Variants in EFCAB6 observed in about 807,000 individuals in gnomAD.
EFCAB6 encodes the protein EF-hand calcium binding domain 6.
A neutral mutation model predicts 169.8 loss-of-function variants in EFCAB6; 156 were observed. The ratio of observed to expected loss-of-function variants is 0.92; its 90% CI spans 0.81 to 1.05. The LOEUF is 1.05. Among genes scored for constraint, EFCAB6 ranks in the 50% least tolerant of loss-of-function variants. The pLI, the probability that EFCAB6 is intolerant of heterozygous loss-of-function variation, is 0.00. For missense variants in EFCAB6, 1,800 were observed against 1,829.1 expected, an observed-to-expected ratio of 0.98 and a Z score of 0.29; for synonymous variants, 698 against 676.4, an observed-to-expected ratio of 1.03 and a Z score of -0.50.
intron 22 of EFCAB6, among the ~76,000 whole-genome samples, chr22:43,605,070 A>G (rs1358600694): frequency 6.6e-6 from 1 of 152,166 alleles, no homozygotes; most frequent in African/African-American, 2.4e-5. Context: ...GCCCTCCCCA[A>G]GGAGGTGCCT....
At chr22:43,618,173 A>AG (rs2053847340) in intron 20 of EFCAB6, among the ~76,000 whole-genome samples, 1 of 44,576 alleles carries the variant, frequency 2.2e-5, no homozygotes. Flanking sequence ...AAGGAAAGAA[A>AG]GAAAGAAAGA....
At chr22:43,805,705 T>C (rs1396244206) in intron 2 of EFCAB6, among the ~76,000 whole-genome samples, 4 of 152,138 alleles carry the variant, frequency 2.6e-5, no homozygotes, top group Non-Finnish European at 5.9e-5. Context: ...AAGAAGAATT[T>C]GAATGGTTCT....
chr22:43,556,887 G>A (rs1479170486), intron 26 of EFCAB6, among the ~76,000 whole-genome samples: 2 of 152,176 alleles, frequency 1.3e-5, no homozygotes, highest in African/African-American at 4.8e-5. Flanking sequence ...TATTGCTGAT[G>A]CATTTTGAAT....
intron 12 of EFCAB6, among the ~76,000 whole-genome samples, chr22:43,681,028 C>T (rs1323379906): frequency 2.0e-5 from 3 of 152,204 alleles, no homozygotes; most frequent in African/African-American, 7.2e-5. Flanking sequence ...CTGACATTCT[C>T]GTGCTGTCCC....
chr22:43,758,554 C>G (rs2061039929), intron 5 of EFCAB6, among the ~76,000 whole-genome samples: 1 of 152,166 alleles, frequency 6.6e-6, no homozygotes, highest in Admixed American at 6.5e-5. Flanking sequence ...TGACTATTGT[C>G]TAATGTTTTA....
intron 22 of EFCAB6, among the ~76,000 whole-genome samples, chr22:43,604,696 A>G (rs2147580626): frequency 6.6e-6 from 1 of 151,148 alleles, no homozygotes; most frequent in Non-Finnish European, 1.5e-5. Context: ...ACTGAAAACC[A>G]TGGGTTTTTT....
At chr22:43,615,953 G>C (rs2053656049) in intron 20 of EFCAB6, 31 bp from the exon 21 acceptor site, 2 of 1,569,158 alleles carry the variant, frequency 1.3e-6, no homozygotes, top group Non-Finnish European at 1.7e-6. Flanking sequence ...AAATAACTGT[G>C]TTTAAATTTA....
chr22:43,595,743 T>C (rs2051950658), intron 23 of EFCAB6, among the ~76,000 whole-genome samples: 1 of 152,174 alleles, frequency 6.6e-6, no homozygotes, highest in Non-Finnish European at 1.5e-5. Context: ...TGCAAACTTA[T>C]TCTATAAGGC....
chr22:43,798,510 C>G (rs552904199), intron 2 of EFCAB6, among the ~76,000 whole-genome samples: 5 of 152,282 alleles, frequency 3.3e-5, no homozygotes, highest in Admixed American at 1.3e-4. Flanking sequence ...GGCTTCCCTT[C>G]CACGCTTTCA....
chr22:43,704,507 ATC>A (rs2058882333), intron 10 of EFCAB6, among the ~76,000 whole-genome samples: 1 of 152,214 alleles, frequency 6.6e-6, no homozygotes, highest in Non-Finnish European at 1.5e-5. Context: ...AAGTGATTGT[ATC>A]TTCAGTACAA....
intron 26 of EFCAB6, among the ~76,000 whole-genome samples, chr22:43,555,373 C>A (rs1231911682): frequency 6.6e-6 from 1 of 152,176 alleles, no homozygotes; most frequent in East Asian, 1.9e-4. Flanking sequence ...CAGAGCCCAG[C>A]CCTGGGGAGG....
intron 26 of EFCAB6, among the ~76,000 whole-genome samples, chr22:43,567,074 C>A (rs150877294): frequency 2.0e-5 from 3 of 152,252 alleles, no homozygotes; most frequent in Non-Finnish European, 4.4e-5. Flanking sequence ...AAAGCCATTT[C>A]TGCCCATCCT....
intron 12 of EFCAB6, among the ~76,000 whole-genome samples, chr22:43,682,530 C>A (rs1466867887): frequency 6.6e-6 from 1 of 152,134 alleles, no homozygotes; most frequent in African/African-American, 2.4e-5. Context: ...CACACAAAGG[C>A]CTCGTTTATC....
intron 26 of EFCAB6, among the ~76,000 whole-genome samples, chr22:43,560,937 A>G (rs1258357661): frequency 6.6e-6 from 1 of 152,184 alleles, no homozygotes; most frequent in Non-Finnish European, 1.5e-5. Context: ...AAGCAGCCCA[A>G]CTGCGTGGCG....
intron 27 of EFCAB6, among the ~76,000 whole-genome samples, chr22:43,546,482 T>C (rs1404079412): frequency 1.3e-5 from 2 of 152,132 alleles, no homozygotes; most frequent in African/African-American, 2.4e-5. Context: ...AGCCAGAAGA[T>C]GGTGGAATGA....
At chr22:43,573,589 G>A (rs1422139814) in intron 26 of EFCAB6, among the ~76,000 whole-genome samples, 3 of 152,020 alleles carry the variant, frequency 2.0e-5, no homozygotes, top group East Asian at 3.8e-4. Context: ...AAATTAGCCC[G>A]GCATGGTGGT....
intron 6 of EFCAB6, among the ~76,000 whole-genome samples, chr22:43,737,429 ATCAC>A (rs1374047716): frequency 2.7e-5 from 4 of 147,528 alleles, no homozygotes; most frequent in South Asian, 2.2e-4. Flanking sequence ...CATACACACC[ATCAC>A]TCACACACAC....
intron 1 of EFCAB6, among the ~76,000 whole-genome samples, chr22:43,811,123 T>TA (rs1170665335): frequency 4.0e-5 from 6 of 151,700 alleles, no homozygotes; most frequent in African/African-American, 1.2e-4. Context: ...GTACTAAAAA[T>TA]ACAAAAATTA....
chr22:43,768,197 C>T (rs77488126), intron 4 of EFCAB6, among the ~76,000 whole-genome samples: 6,148 of 152,268 alleles, frequency 0.04, 440 homozygotes, highest in African/African-American at 0.14. Context: ...GTCTGCATCA[C>T]TCTTAATGGA....
Sources: gnomAD v4.1 joint callset for allele counts (sites outside exome capture counted in the v4.1 genomes callset) on GRCh38, gnomAD v4.1.1 for gene constraint, MANE v1.5 for transcripts, NCBI Gene and HGNC (gene_info 2026-07-23, HGNC 2026-07-21) for gene names.